Variants in DNAAF5 observed in about 807,000 individuals in gnomAD.
DNAAF5 encodes dynein axonemal assembly factor 5, also known as HEAT repeat containing 2.
DNAAF5 carries 64 observed loss-of-function variants against 75.8 expected under a neutral mutation model. The ratio of observed to expected loss-of-function variants is 0.84; its 90% CI spans 0.69 to 1.04. DNAAF5 has a LOEUF of 1.04. Ranked by LOEUF, DNAAF5 falls within the 50% of genes least tolerant of loss-of-function variation. The pLI is 0.00. For missense variants in DNAAF5, 1,269 were observed against 1,178.5 expected (o/e 1.08, Z -1.12); for synonymous variants, 657 against 557.2 (o/e 1.18, Z -2.52).
intron 10 of DNAAF5, among the ~76,000 whole-genome samples, chr7:774,531 C>T (rs1032584482): frequency 6.7e-6 from 1 of 149,430 alleles, no homozygotes; most frequent in Non-Finnish European, 1.5e-5. Context: ...TCCCAGGATC[C>T]AGGCCAGAGG....
At chr7:771,294 A>C (rs1562397246) in intron 9 of DNAAF5, 1 of 152,316 alleles carries the variant, frequency 6.6e-6, no homozygotes, top group African/African-American at 2.4e-5. Context: ...GAGCACTGGG[A>C]GGGACAGTGG....
chr7:738,100 T>A (rs1781792131), intron 2 of DNAAF5, among the ~76,000 whole-genome samples: 1 of 152,230 alleles, frequency 6.6e-6, no homozygotes, highest in Non-Finnish European at 1.5e-5. Context: ...GCTTCATTCT[T>A]TCTATTCTTT....
chr7:745,799 G>T (rs1782082232), intron 4 of DNAAF5, among the ~76,000 whole-genome samples: 3 of 152,266 alleles, frequency 2.0e-5, no homozygotes, highest in African/African-American at 4.8e-5. Context: ...CCTGCTAGTA[G>T]GTTCCCGGAA....
chr7:770,872 G>C (rs980948109), intron 9 of DNAAF5: 99 of 431,592 alleles, frequency 2.3e-4, no homozygotes, highest in Admixed American at 1.6e-3. Flanking sequence ...CTCTGGGTGA[G>C]GGTTCCCCAC....
intron 9 of DNAAF5, chr7:771,753 C>T (rs778027820): frequency 4.5e-4 from 68 of 152,362 alleles, no homozygotes; most frequent in African/African-American, 1.5e-3. Context: ...AACTCACACT[C>T]GGCTGTATTT....
chr7:776,607 G>A (rs76138052), intron 11 of DNAAF5, among the ~76,000 whole-genome samples: 1,589 of 152,266 alleles, frequency 0.01, 32 homozygotes, highest in African/African-American at 0.037. Context: ...CCTCAGTGTC[G>A]CCGCCTCCTG....
At chr7:751,383 T>C (rs1782287481) in intron 4 of DNAAF5, among the ~76,000 whole-genome samples, 1 of 151,564 alleles carries the variant, frequency 6.6e-6, no homozygotes, top group Admixed American at 6.6e-5. Context: ...ACCTGTAATC[T>C]TAGCACTTTG....
intron 8 of DNAAF5, among the ~76,000 whole-genome samples, chr7:767,561 T>C (rs984281793): frequency 6.6e-6 from 1 of 152,226 alleles, no homozygotes; most frequent in Admixed American, 6.5e-5. Flanking sequence ...GAAGAAATGC[T>C]CTGGCAACCA....
chr7:781,483 C>T (rs747786839), intron 12 of DNAAF5, among the ~76,000 whole-genome samples: 3 of 152,306 alleles, frequency 2.0e-5, no homozygotes, highest in East Asian at 1.9e-4. Flanking sequence ...ATTCGGCGTG[C>T]GCGTGCAGCT....
intron 11 of DNAAF5, chr7:778,105 C>G (rs1328858455): frequency 6.6e-6 from 1 of 152,266 alleles, no homozygotes; most frequent in Non-Finnish European, 1.5e-5. Flanking sequence ...GTCACTCATT[C>G]TCTCACCTTT....
chr7:745,849 G>C (rs993516715), intron 4 of DNAAF5, among the ~76,000 whole-genome samples: 1 of 152,254 alleles, frequency 6.6e-6, no homozygotes, highest in African/African-American at 2.4e-5. Flanking sequence ...GCTCTTTGGA[G>C]GCTGCCTGAT....
rs1372138610 is a variant in DNAAF5 at position 729,793 on chromosome 7, C to G, written c.726C>G (p.Ser242=). The G allele has an allele frequency of 2.5e-6, 4 of 1,614,102 alleles. No homozygotes were observed. Among genetic ancestry groups the G allele is most frequent in the Non-Finnish European group, 3.4e-6 (4 of 1,180,042 alleles). ...TGATCCATTTTGGCAACGGGAAGTC[C>G]GTGGACGACGTGCTTTCCCATTTTG... The part of the protein sequence containing the change: ...GAVIHFGNGK[S]VDDVLSHFAQ... The change falls in exon 2 of 13, where the codon TCC becomes TCG. Residue 242 remains serine, a synonymous_variant. Coordinates refer to ENST00000297440, the MANE Select transcript of DNAAF5 (RefSeq NM_017802.4).
In DNAAF5 at chr7:726,736, G is replaced by C; in HGVS notation, c.16G>C (p.Val6Leu). ...CGCGGGCAAGATGGCGGCGCTGGGGGTGGCGGAGGCCGTGGCGGCCCCACA... is the reference window on the plus strand; with the variant it reads ...CGCGGGCAAGATGGCGGCGCTGGGGCTGGCGGAGGCCGTGGCGGCCCCACA... Reference protein sequence around the residue: MAALGVAEAVAAPHPA... With the variant: MAALGLAEAVAAPHPA... Residue 6 changes from valine to leucine, a missense_variant, in exon 1 of 13, where the codon GTG becomes CTG. Transcript: ENST00000297440. 8.0e-7 allele frequency: 1 copy of C among 1,243,890 alleles called. No individual in the cohort carries two copies. The highest frequency in any genetic ancestry group is 3.2e-5 in the East Asian group (1 of 31,724). The allele number at this position is 1,243,890 out of a possible 1,614,324, so 77.1% of individuals were successfully genotyped here.
intron 7 of DNAAF5, 120 bp downstream of exon 7, chr7:762,016 G>A: frequency 1.1e-5 from 1 of 88,766 alleles, no homozygotes; most frequent in South Asian, 4.1e-4. Flanking sequence ...AAAGACCAGG[G>A]ATTGAGAACC....
At chr7:771,623 G>A (rs1778567616) in intron 9 of DNAAF5, 1 of 152,250 alleles carries the variant, frequency 6.6e-6, no homozygotes, top group Non-Finnish European at 1.5e-5. Context: ...AGACTTCAGG[G>A]CTTAGAACGG....
intron 2 of DNAAF5, among the ~76,000 whole-genome samples, chr7:736,690 C>G (rs1295504086): frequency 2.0e-5 from 3 of 152,168 alleles, no homozygotes; most frequent in African/African-American, 7.2e-5. Flanking sequence ...AGAGTTTAGT[C>G]TGGTTACGTT....
chr7:777,850 CGAAGGACACGGGACGGG>C (rs1251007624), intron 11 of DNAAF5, among the ~76,000 whole-genome samples: 2 of 151,940 alleles, frequency 1.3e-5, no homozygotes, highest in Non-Finnish European at 2.9e-5. Flanking sequence ...CTGGAGTGGG[CGAAGGACACGGGACGGG>C]GAGGGACGCG....
At chr7:773,236 C>G (rs6945403) in intron 9 of DNAAF5, among the ~76,000 whole-genome samples, 6,247 of 152,354 alleles carry the variant, frequency 0.041, 449 homozygotes, top group African/African-American at 0.14. Flanking sequence ...CTTTCCACAT[C>G]TGCTCATCTA....
chr7:737,541 A>G (rs190144066), intron 2 of DNAAF5, among the ~76,000 whole-genome samples: 1 of 152,192 alleles, frequency 6.6e-6, no homozygotes, highest in East Asian at 1.9e-4. Context: ...ATGATTTCTT[A>G]TTGCTCCTCA....
Sources: allele counts gnomAD v4.1 joint callset (sites outside exome capture counted in the v4.1 genomes callset), GRCh38; gene constraint gnomAD v4.1.1; transcripts MANE v1.5; gene names NCBI Gene and HGNC (gene_info 2026-07-23, HGNC 2026-07-21).